The following BTBD16 variants were observed in gnomAD, a reference collection of about 807,000 sequenced individuals.
The protein encoded by BTBD16 is BTB/POZ domain-containing protein 16.
Under a neutral mutation model 67.4 loss-of-function variants are expected in BTBD16, and 66 were observed. That is an observed-to-expected ratio of 0.98 (90% CI 0.80 to 1.20). The LOEUF is 1.20. BTBD16 is among the 50% of genes most tolerant of loss of function. BTBD16 has a pLI of 0.00. For synonymous variants in BTBD16, 242 were observed against 236.4 expected (o/e 1.02, Z -0.22); for missense variants, 634 against 616.0 (o/e 1.03, Z -0.31).
chr10:122,312,217 A>G (rs1008239626), intron 10 of BTBD16, among the ~76,000 whole-genome samples: 2 of 151,484 alleles, frequency 1.3e-5, no homozygotes, highest in Non-Finnish European at 2.9e-5. Flanking sequence ...GTGCTAATTT[A>G]TTCCCTAACC....
At chr10:122,316,614 T>G (rs1188178380) in intron 10 of BTBD16, among the ~76,000 whole-genome samples, 1 of 151,992 alleles carries the variant, frequency 6.6e-6, no homozygotes, top group East Asian at 1.9e-4. Context: ...TGTAACACAA[T>G]GGTAAGTATT....
chr10:122,310,423 G>A (rs186732019), intron 10 of BTBD16, among the ~76,000 whole-genome samples: 111 of 152,324 alleles, frequency 7.3e-4, no homozygotes, highest in East Asian at 2.5e-3. Context: ...GCTGGTGGCC[G>A]GAGGGCTCCA....
chr10:122,312,368 G>A (rs992542737), intron 10 of BTBD16, among the ~76,000 whole-genome samples: 8 of 142,240 alleles, frequency 5.6e-5, no homozygotes, highest in Non-Finnish European at 1.1e-4. Context: ...GCTGGAGTGC[G>A]GTGGCATAGT....
At chr10:122,277,270 T>G (rs1194741830) in intron 3 of BTBD16, among the ~76,000 whole-genome samples, 2 of 150,786 alleles carry the variant, frequency 1.3e-5, no homozygotes, top group Admixed American at 1.3e-4. Flanking sequence ...AAAACTTAGT[T>G]AGTCCTGGCT....
Position 122,286,217 on chromosome 10 carries a change from C to A in BTBD16, c.354C>A (p.His118Gln). The A allele has an allele frequency of 6.2e-7, 1 of 1,612,660 alleles. No homozygotes were observed. Among genetic ancestry groups the A allele is most frequent in the Non-Finnish European group, 8.5e-7 (1 of 1,178,928 alleles). ...AAGCCCTGGCGCAGGGCACCACACACCCCCTGAGGGAGCTGGAGGAGCTTC... is the reference window on the plus strand; with the variant it reads ...AAGCCCTGGCGCAGGGCACCACACAACCCCTGAGGGAGCTGGAGGAGCTTC... Reference protein sequence around the residue: ...YLKALAQGTTHPLRELEELLR... With the variant: ...YLKALAQGTTQPLRELEELLR... Residue 118 changes from histidine (H) to glutamine (Q), a missense_variant, in exon 5 of 16, where the codon CAC becomes CAA. His to Gln is a conservative substitution (Grantham distance 24, BLOSUM62 0). Coordinates refer to ENST00000260723, the MANE Select transcript of BTBD16 (RefSeq NM_144587.5).
rs112121705 is a variant in BTBD16, at chr10:122,284,502, A to G, written c.241+578A>G. 7.2e-5 allele frequency among the ~76,000 whole-genome samples: 11 copies of G among 152,198 alleles called. 2 individuals carry two copies. The highest frequency in any genetic ancestry group is 2.6e-4 in the African/African-American group (11 of 41,536). ...AAAGACTAAACAGAGTGCAGCAAGCATAAAGCAGCTGTTCTTTGTCTCTTT... is the reference window on the plus strand; with the variant it reads ...AAAGACTAAACAGAGTGCAGCAAGCGTAAAGCAGCTGTTCTTTGTCTCTTT... On this transcript the variant is annotated intron_variant, in intron 4 of 15. Transcript: ENST00000260723.
rs59670238 is a variant in BTBD16 at position 122,319,204 on chromosome 10, T to A, written c.912-10276T>A. ...TATTTTCATTTTCAAAATAGTGTAG[T>A]TTGAATATCAGAAGTTTTTTATTTT... On this transcript the variant is annotated intron_variant, in intron 10 of 15. Transcript: ENST00000260723. 8.3e-3 allele frequency among the ~76,000 whole-genome samples: 1,268 copies of A among 152,314 alleles called. 44 individuals carry two copies. The East Asian group carries it at 0.13, about 15-fold the overall frequency.
Position 122,307,397 on chromosome 10 carries a change from G to A in BTBD16, c.911+89G>A, listed in dbSNP as rs991647072. On this transcript the variant is annotated intron_variant, in intron 10 of 15. Transcript: ENST00000260723. ...AATATCACGGGGGAAAACCATCAGT[G>A]ATATAATTTTTCATAGCATCATTCA... The A allele has an allele frequency of 2.2e-6, 3 of 1,351,362 alleles. No individual in the cohort carries two copies. In the African/African-American group the frequency reaches 4.5e-5, roughly 20 times the overall value. The allele number at this position is 1,351,362 out of a possible 1,614,324, so 83.7% of individuals were successfully genotyped here. A position where few individuals can be genotyped will look rare whatever the true frequency, so the allele number is the denominator to read the frequency against.
intron 14 of BTBD16, 113 bp from the exon 15 acceptor site, chr10:122,336,381 T>C: frequency 1.1e-6 from 1 of 929,794 alleles, no homozygotes; most frequent in Non-Finnish European, 1.5e-6. Context: ...GGAAATGCCC[T>C]CTTGCTGCCT....
At chr10:122,280,295 C>T (rs1234588938) in intron 3 of BTBD16, among the ~76,000 whole-genome samples, 3 of 152,186 alleles carry the variant, frequency 2.0e-5, no homozygotes, top group African/African-American at 7.2e-5. Flanking sequence ...TCCCTGGGGT[C>T]CACAGGCGTG....
At chr10:122,286,901 C>T (rs563101660) in intron 5 of BTBD16, among the ~76,000 whole-genome samples, 1 of 152,306 alleles carries the variant, frequency 6.6e-6, no homozygotes, top group Admixed American at 6.5e-5. Context: ...TACAGGTTGG[C>T]ATCCCCTCGG....
At chr10:122,308,461 C>T (rs867823403) in intron 10 of BTBD16, among the ~76,000 whole-genome samples, 8 of 152,176 alleles carry the variant, frequency 5.3e-5, no homozygotes, top group Non-Finnish European at 1.0e-4. Context: ...TAATTTTCTT[C>T]GTTGGAAACC....
At chr10:122,308,644 G>C (rs972785302) in intron 10 of BTBD16, among the ~76,000 whole-genome samples, 1 of 152,016 alleles carries the variant, frequency 6.6e-6, no homozygotes, top group Admixed American at 6.5e-5. Flanking sequence ...CCTTTCTCCA[G>C]CGAGCTTTGG....
intron 1 of BTBD16, 72 bp from the exon 2 acceptor site, chr10:122,274,968 C>A: frequency 9.6e-7 from 1 of 1,036,844 alleles, no homozygotes; most frequent in South Asian, 1.4e-5. Flanking sequence ...AGTATAGATT[C>A]TTTAGGCCAA....
At chr10:122,303,719 C>T in intron 9 of BTBD16, 1 of 820,132 alleles carries the variant, frequency 1.2e-6, no homozygotes, top group Non-Finnish European at 1.5e-6. Flanking sequence ...TTACCATTTA[C>T]ATTCCAATGG....
intron 10 of BTBD16, among the ~76,000 whole-genome samples, chr10:122,320,719 T>C (rs1464619778): frequency 6.6e-6 from 1 of 152,232 alleles, no homozygotes; most frequent in South Asian, 2.1e-4. Flanking sequence ...CTTAATTCCA[T>C]TGTTATCAGA....
intron 5 of BTBD16, among the ~76,000 whole-genome samples, chr10:122,286,758 C>G (rs1179238073): frequency 2.0e-5 from 3 of 152,124 alleles, no homozygotes; most frequent in East Asian, 1.9e-4. Flanking sequence ...CTTCTCGTCT[C>G]TCTTCCACCT....
intron 4 of BTBD16, 124 bp from the exon 5 acceptor site, chr10:122,285,981 G>A: frequency 1.1e-6 from 1 of 950,346 alleles, no homozygotes; most frequent in Non-Finnish European, 1.6e-6. Flanking sequence ...GCCTGGGGAG[G>A]CTGCTTGCCT....
chr10:122,336,581 G>A lies in BTBD16; in HGVS notation c.1351G>A (p.Glu451Lys). The A allele has an allele frequency of 6.2e-7, 1 of 1,613,404 alleles. No homozygotes were observed. Among genetic ancestry groups the A allele is most frequent in the Non-Finnish European group, 8.5e-7 (1 of 1,179,818 alleles). ...GCGAGCGGCACGCCTGGTGAAGTATGAGATCAGAGCAGAGGCCCTGGTTGA... is the reference window on the plus strand; with the variant it reads ...GCGAGCGGCACGCCTGGTGAAGTATAAGATCAGAGCAGAGGCCCTGGTTGA... ...SLRAARLVKYEIRAEALVDGK... is the reference protein window; with the variant it reads ...SLRAARLVKYKIRAEALVDGK... The change falls in exon 15 of 16, where the codon GAG (glutamate) becomes AAG (lysine). Residue 451 changes from glutamate to lysine, a missense_variant. Coordinates refer to ENST00000260723, the MANE Select transcript of BTBD16 (RefSeq NM_144587.5).
Sources: gnomAD v4.1 joint callset for allele counts (sites outside exome capture counted in the v4.1 genomes callset) on GRCh38, gnomAD v4.1.1 for gene constraint, MANE v1.5 for transcripts, NCBI Gene and HGNC (gene_info 2026-07-23, HGNC 2026-07-21) for gene names.